Variants in MCTP2 observed in about 807,000 individuals in gnomAD.
MCTP2 encodes multiple C2 and transmembrane domain-containing protein 2.
MCTP2 carries 132 observed loss-of-function variants against 111.6 expected under a neutral mutation model. The observed-to-expected ratio is 1.18, with a 90% CI of 1.03 to 1.37. The LOEUF (loss-of-function observed/expected upper bound fraction) is 1.37, where lower values mean the gene tolerates loss of function less well. MCTP2 is among the 40% of genes most tolerant of loss of function. The pLI is 0.00. For missense variants in MCTP2, 1,183 were observed against 1,067.9 expected, an observed-to-expected ratio of 1.11 and a Z score of -1.50; for synonymous variants, 395 against 387.7, an observed-to-expected ratio of 1.02 and a Z score of -0.22.
chr15:94,342,572 A>T (rs1461565315), intron 7 of MCTP2: 1 of 151,254 alleles, frequency 6.6e-6, no homozygotes, highest in African/African-American at 2.4e-5. Flanking sequence ...ACACACAAAT[A>T]TATTTTTATC....
Position 94,298,210 on chromosome 15 carries a change from C to CGGT in MCTP2, c.-56_-55insGGT. 1 of 1,276,354 alleles carries CGGT rather than the reference C, an allele frequency of 7.8e-7. No homozygotes were observed. Among genetic ancestry groups the CGGT allele is most frequent in the Non-Finnish European group, 1.1e-6 (1 of 942,036 alleles). 79.1% of individuals were successfully genotyped at this position (1,276,354 alleles called of 1,614,324 possible). ...TTTTTCTGTTTTATAGGAGTCATTG[C>CGGT]AGTTTTCAGTAGAGGTGTACTTCTG... On this transcript the variant is annotated 5_prime_UTR_variant, in exon 2 of 23. Transcript: ENST00000357742.
At chr15:94,405,746 GTTC>G (rs1217206586) in intron 17 of MCTP2, among the ~76,000 whole-genome samples, 3 of 152,286 alleles carry the variant, frequency 2.0e-5, no homozygotes, top group East Asian at 1.9e-4. Context: ...TATAGACTCA[GTTC>G]TTCTTGTTAG....
intron 8 of MCTP2, among the ~76,000 whole-genome samples, chr15:94,350,867 TTG>T (rs1260971880): frequency 6.6e-6 from 1 of 152,150 alleles, no homozygotes; most frequent in Non-Finnish European, 1.5e-5. Flanking sequence ...TGTTGTTGTG[TTG>T]TTTTATCTCT....
At chr15:94,325,673 T>G (rs200544882) in intron 4 of MCTP2, among the ~76,000 whole-genome samples, 2 of 55,486 alleles carry the variant, frequency 3.6e-5, no homozygotes, top group African/African-American at 7.8e-5. Context: ...GAATAAAGAC[T>G]CTGTCGTGGA....
chr15:94,285,031 A>T (rs1273756317), intron 1 of MCTP2, among the ~76,000 whole-genome samples: 1 of 152,186 alleles, frequency 6.6e-6, no homozygotes, highest in Non-Finnish European at 1.5e-5. Flanking sequence ...ATTCTCTAGG[A>T]GGACTCAACC....
chr15:94,232,088 T>G (rs2070214619), intron 1 of MCTP2: 1 of 152,252 alleles, frequency 6.6e-6, no homozygotes, highest in South Asian at 2.1e-4. Context: ...GCGCTGACAT[T>G]TGCTCAACGA....
At chr15:94,447,481 G>T (rs1177406594) in intron 19 of MCTP2, among the ~76,000 whole-genome samples, 2 of 152,138 alleles carry the variant, frequency 1.3e-5, no homozygotes, top group Non-Finnish European at 2.9e-5. Flanking sequence ...TGCAATCTCT[G>T]CCTCCCAAGT....
At chr15:94,245,243 T>TAC (rs1331794829) in intron 1 of MCTP2, among the ~76,000 whole-genome samples, 4 of 140,796 alleles carry the variant, frequency 2.8e-5, no homozygotes, top group African/African-American at 1.0e-4. Flanking sequence ...TATGTATATA[T>TAC]ACACATATGT....
At chr15:94,237,063 AT>A (rs2070622780) in intron 1 of MCTP2, among the ~76,000 whole-genome samples, 3 of 152,118 alleles carry the variant, frequency 2.0e-5, no homozygotes, top group Admixed American at 1.3e-4. Flanking sequence ...TTTTCAGAGA[AT>A]TATGACCTTC....
intron 20 of MCTP2, among the ~76,000 whole-genome samples, chr15:94,460,022 G>A (rs11074277): frequency 0.028 from 4,214 of 152,302 alleles, 96 homozygotes; most frequent in Middle Eastern, 0.058. Flanking sequence ...ACAACTAGTA[G>A]CTATGTAGCT....
intron 17 of MCTP2, chr15:94,402,434 A>G: frequency 6.5e-7 from 1 of 1,537,470 alleles, no homozygotes; most frequent in Non-Finnish European, 8.8e-7. Context: ...ATGTTTATTC[A>G]TTTCAAGCCA....
chr15:94,280,739 A>G (rs1227173169), intron 1 of MCTP2, among the ~76,000 whole-genome samples: 2 of 152,078 alleles, frequency 1.3e-5, no homozygotes, highest in African/African-American at 4.8e-5. Context: ...AGCATTACAC[A>G]CTTTCATCTT....
chr15:94,390,078 A>G (rs796173808), intron 14 of MCTP2, among the ~76,000 whole-genome samples: 17,045 of 46,646 alleles, frequency 0.37, 2,109 homozygotes, highest in South Asian at 0.45. Flanking sequence ...ATATATATAT[A>G]TATATATATA....
intron 1 of MCTP2, among the ~76,000 whole-genome samples, chr15:94,256,941 A>G (rs1383449224): frequency 6.6e-6 from 1 of 152,174 alleles, no homozygotes; most frequent in Admixed American, 6.5e-5. Flanking sequence ...GACAAATCAA[A>G]TCAATCAATC....
At chr15:94,256,489 C>A (rs554754586) in intron 1 of MCTP2, among the ~76,000 whole-genome samples, 32 of 151,672 alleles carry the variant, frequency 2.1e-4, no homozygotes, top group African/African-American at 7.3e-4. Flanking sequence ...TTAAGCTGTT[C>A]TCCTACAAAA....
rs1224887737 is a variant in MCTP2 at position 94,298,202 on chromosome 15, A to G, written c.-64A>G. The G allele has an allele frequency of 5.9e-6, 7 of 1,179,176 alleles. No homozygotes were observed. In the African/African-American group the frequency reaches 8.1e-5, roughly 14 times the overall value. 73.0% of individuals were successfully genotyped at this position (1,179,176 alleles called of 1,614,324 possible). A position where few individuals can be genotyped will look rare whatever the true frequency, so the allele number is the denominator to read the frequency against. On this transcript the variant is annotated splice_region_variant and 5_prime_UTR_variant, in exon 2 of 23. Transcript: ENST00000357742. The stretch of plus-strand genomic sequence containing the variant: ...TTGTTGTTTTTTTCTGTTTTATAGG[A>G]GTCATTGCAGTTTTCAGTAGAGGTG...
Position 94,479,182 on chromosome 15 carries a change from C to T in MCTP2, c.*148C>T, listed in dbSNP as rs1262102316. ...TATACTTCCTCCTCCTTCACGTGCA[C>T]AGACATACACACATGTGCACACACC... On this transcript the variant is annotated 3_prime_UTR_variant, in exon 23 of 23. Coordinates refer to ENST00000357742, the MANE Select transcript of MCTP2 (RefSeq NM_001385001.1). 3.0e-5 allele frequency: 22 copies of T among 726,792 alleles called. No homozygotes were observed. Among genetic ancestry groups the T allele is most frequent in the Non-Finnish European group, 3.2e-5 (13 of 410,888 alleles). 45.0% of individuals were successfully genotyped at this position (726,792 alleles called of 1,614,324 possible).
chr15:94,363,144 G>C (rs1206520804), intron 10 of MCTP2, among the ~76,000 whole-genome samples: 1 of 152,148 alleles, frequency 6.6e-6, no homozygotes, highest in Non-Finnish European at 1.5e-5. Context: ...TGTGAGTTTT[G>C]TTACGGCGCT....
In MCTP2 at chr15:94,384,065, A is replaced by C; in HGVS notation, c.1626A>C (p.Arg542=). The change falls in exon 13 of 23, where the codon CGA becomes CGC. Residue 542 remains arginine (R), a synonymous_variant. Coordinates refer to ENST00000357742, the MANE Select transcript of MCTP2 (RefSeq NM_001385001.1). ...GCTTGTTGGAGTTAGGCAATGACCG[A>C]CTTCAGACGCATACCGTCTACAAAA... ...PFCLLELGND[R]LQTHTVYKNL... 2 of 1,613,926 alleles carry C rather than the reference A, an allele frequency of 1.2e-6. No individual in the cohort carries two copies. Among genetic ancestry groups the C allele is most frequent in the Non-Finnish European group, 8.5e-7 (1 of 1,179,934 alleles).
Sources: allele counts gnomAD v4.1 joint callset (sites outside exome capture counted in the v4.1 genomes callset), GRCh38; gene constraint gnomAD v4.1.1; transcripts MANE v1.5; gene names NCBI Gene and HGNC (gene_info 2026-07-23, HGNC 2026-07-21).